Variants in ZNF420 observed in about 807,000 individuals in gnomAD.
ZNF420 encodes zinc finger protein 420.
ZNF420 carries 31 observed loss-of-function variants against 44.7 expected under a neutral mutation model. The ratio of observed to expected loss-of-function variants is 0.69; its 90% CI spans 0.52 to 0.94. The LOEUF (loss-of-function observed/expected upper bound fraction) is 0.94. ZNF420 is among the 40% of genes least tolerant of loss of function. ZNF420 has a pLI of 0.00. For synonymous variants in ZNF420, 245 were observed against 267.4 expected, an observed-to-expected ratio of 0.92 and a Z score of 0.82; for missense variants, 681 against 827.9, an observed-to-expected ratio of 0.82 and a Z score of 2.18.
At chr19:37,013,211 C>A (rs1421017300) in intron 1 of ZNF420, among the ~76,000 whole-genome samples, 7 of 152,120 alleles carry the variant, frequency 4.6e-5, no homozygotes, top group Admixed American at 3.3e-4. Context: ...GCTAATGCAC[C>A]TTACTCGCCT....
At chr19:37,018,612 G>A (rs1284820055) in intron 1 of ZNF420, among the ~76,000 whole-genome samples, 1 of 152,152 alleles carries the variant, frequency 6.6e-6, no homozygotes, top group Non-Finnish European at 1.5e-5. Context: ...GTGTCGCCCA[G>A]GCTAGAGTGC....
chr19:37,053,973 G>A (rs1967692320), intron 1 of ZNF420, among the ~76,000 whole-genome samples: 1 of 152,204 alleles, frequency 6.6e-6, no homozygotes, highest in Non-Finnish European at 1.5e-5. Flanking sequence ...GTCTACAGAG[G>A]CAGCAGGCCT....
intron 1 of ZNF420, among the ~76,000 whole-genome samples, chr19:37,023,235 G>T (rs1684614438): frequency 6.6e-6 from 1 of 152,168 alleles, no homozygotes; most frequent in Non-Finnish European, 1.5e-5. Flanking sequence ...ACAGTAATTG[G>T]TGCTGGAAGA....
chr19:37,118,988 C>G (rs911412639), intron 4 of ZNF420, among the ~76,000 whole-genome samples: 5 of 152,148 alleles, frequency 3.3e-5, no homozygotes, highest in Non-Finnish European at 7.3e-5. Flanking sequence ...GAGTGACCTA[C>G]AAAGAGACTT....
chr19:37,090,020 T>C (rs575376435), intron 3 of ZNF420, among the ~76,000 whole-genome samples: 1 of 152,332 alleles, frequency 6.6e-6, no homozygotes, highest in East Asian at 1.9e-4. Flanking sequence ...TTATAAGGTT[T>C]TACAGAAAAA....
At chr19:37,075,493 A>G (rs1968129578), upstream of ZNF420, among the ~76,000 whole-genome samples, 1 of 152,178 alleles carries the variant, frequency 6.6e-6, no homozygotes, top group African/African-American at 2.4e-5. Context: ...CTGTCATCCC[A>G]GCACTTTGGG....
intron 4 of ZNF420, among the ~76,000 whole-genome samples, chr19:37,100,994 C>CT (rs35330746): frequency 0.02 from 2,782 of 137,040 alleles, 32 homozygotes; most frequent in Non-Finnish European, 0.027. Context: ...AAATTTATTC[C>CT]TTTTTTTTTT....
chr19:37,055,137 T>C (rs1254509829), intron 1 of ZNF420, among the ~76,000 whole-genome samples: 2 of 152,186 alleles, frequency 1.3e-5, no homozygotes. Flanking sequence ...TCTTAGCACT[T>C]GGGGAGGCCA....
chr19:37,107,826 C>T (rs1970179154), intron 4 of ZNF420: 1 of 135,630 alleles, frequency 7.4e-6, no homozygotes. Context: ...TGCCTCAGTT[C>T]CTGGTACCAA....
intron 1 of ZNF420, among the ~76,000 whole-genome samples, chr19:37,011,921 C>G (rs73933447): frequency 6.6e-6 from 1 of 152,296 alleles, no homozygotes; most frequent in African/African-American, 2.4e-5. Flanking sequence ...CAGGCCACTG[C>G]TCCTCCCAGG....
At chr19:37,100,103 A>G (rs1017009973) in intron 4 of ZNF420, among the ~76,000 whole-genome samples, 2 of 152,140 alleles carry the variant, frequency 1.3e-5, no homozygotes, top group African/African-American at 2.4e-5. Context: ...CCAGTCTTAC[A>G]TTTAAGTCTT....
At chr19:37,029,711 C>T (rs540327513) in intron 1 of ZNF420, among the ~76,000 whole-genome samples, 14 of 151,994 alleles carry the variant, frequency 9.2e-5, no homozygotes, top group Admixed American at 2.0e-4. Context: ...TTAGTAGAGA[C>T]GGGGTTTCAT....
intron 4 of ZNF420, among the ~76,000 whole-genome samples, chr19:37,113,765 C>G (rs1371534463): frequency 6.6e-6 from 1 of 152,152 alleles, no homozygotes; most frequent in African/African-American, 2.4e-5. Context: ...CCAATTTTGA[C>G]CTGTTCCTAA....
At chr19:37,021,953 A>G (rs940801315) in intron 1 of ZNF420, among the ~76,000 whole-genome samples, 64 of 127,338 alleles carry the variant, frequency 5.0e-4, no homozygotes, top group African/African-American at 2.7e-4. Context: ...AAAAAAAAAA[A>G]AAAAAAAAAA....
At chr19:37,106,368 C>T (rs569375771) in intron 4 of ZNF420, among the ~76,000 whole-genome samples, 1 of 152,276 alleles carries the variant, frequency 6.6e-6, no homozygotes, top group East Asian at 1.9e-4. Flanking sequence ...ATGAAGCCCA[C>T]TTGATCATGG....
intron 1 of ZNF420, among the ~76,000 whole-genome samples, chr19:37,020,169 A>G (rs2074637200): frequency 6.7e-6 from 1 of 148,386 alleles, no homozygotes. Context: ...GTGAGCCCAG[A>G]TGGCGCCACT....
Position 37,128,092 on chromosome 19 carries a change from A to T in ZNF420, c.1101A>T (p.Glu367Asp). 1 of 1,614,124 alleles carries T rather than the reference A, an allele frequency of 6.2e-7. No individual in the cohort carries two copies. Residue 367 changes from glutamate to aspartate, a missense_variant, in exon 5 of 5, where the codon GAA becomes GAT. Glu to Asp is a conservative substitution (Grantham distance 45). Transcript: ENST00000337995. Reference sequence around the variant, plus strand: ...GTGAAAAACCCTATAAATGTGAAGAATGTGGGAAGGCCTTTATCCGTGGCT... The same window carrying T: ...GTGAAAAACCCTATAAATGTGAAGATTGTGGGAAGGCCTTTATCCGTGGCT... The part of the protein sequence containing the change: ...HTGEKPYKCE[E>D]CGKAFIRGSQ...
At chr19:37,010,745 A>G (rs2074563337) in intron 1 of ZNF420, among the ~76,000 whole-genome samples, 1 of 151,970 alleles carries the variant, frequency 6.6e-6, no homozygotes, top group Non-Finnish European at 1.5e-5. Context: ...AAAGGCCTCG[A>G]CGACGTGAGG....
At chr19:37,063,335 C>G (rs575722103) in intron 1 of ZNF420, among the ~76,000 whole-genome samples, 1 of 152,306 alleles carries the variant, frequency 6.6e-6, no homozygotes, top group South Asian at 2.1e-4. Flanking sequence ...GCCTGTTTTT[C>G]TGTGGCTAGT....
Sources: gnomAD v4.1 joint callset for allele counts (sites outside exome capture counted in the v4.1 genomes callset) on GRCh38, gnomAD v4.1.1 for gene constraint, MANE v1.5 for transcripts, NCBI Gene and HGNC (gene_info 2026-07-23, HGNC 2026-07-21) for gene names.